MYOF: variants seen among roughly 807,000 people sequenced by gnomAD.
MYOF encodes fer-1-like 3, myoferlin.
In MYOF, 244 loss-of-function variants were observed where a neutral mutation model predicts 284.2. The ratio of observed to expected loss-of-function variants is 0.86; its 90% CI spans 0.77 to 0.95. The LOEUF (loss-of-function observed/expected upper bound fraction) is 0.95. Among genes scored for constraint, MYOF ranks in the 40% least tolerant of loss-of-function variants. The pLI is 0.00. For synonymous variants in MYOF, 904 were observed against 919.7 expected (o/e 0.98, Z 0.31); for missense variants, 2,496 against 2,560.6 (o/e 0.97, Z 0.54).
At chr10:93,430,124 T>C (rs184965627) in intron 4 of MYOF, among the ~76,000 whole-genome samples, 19,746 of 151,398 alleles carry the variant, frequency 0.13, 1,351 homozygotes, top group Middle Eastern at 0.19. Context: ...TTAGTAGAGA[T>C]GGGGTTTCAC....
At chr10:93,476,277 G>T (rs2057261316) in intron 1 of MYOF, among the ~76,000 whole-genome samples, 1 of 116,586 alleles carries the variant, frequency 8.6e-6, no homozygotes. Context: ...TTTTTAGATG[G>T]AGTCTGGCTT....
chr10:93,456,782 G>C, intron 2 of MYOF, 100 bp downstream of exon 2: 1 of 860,734 alleles, frequency 1.2e-6, no homozygotes, highest in Non-Finnish European at 1.9e-6. Context: ...GAAATGTAGA[G>C]ATTCTCCTTC....
At chr10:93,441,021 A>T (rs2056232338) in intron 3 of MYOF, among the ~76,000 whole-genome samples, 1 of 152,204 alleles carries the variant, frequency 6.6e-6, no homozygotes, top group Non-Finnish European at 1.5e-5. Context: ...AAAAGAAATC[A>T]GAACTGAGAG....
In MYOF at chr10:93,381,374, T is replaced by C; in HGVS notation, c.1721A>G (p.Tyr574Cys). Residue 574 changes from tyrosine (Y) to cysteine (C), a missense_variant, in exon 20 of 54, where the codon TAC becomes TGC. Coordinates refer to ENST00000359263, the MANE Select transcript of MYOF (RefSeq NM_013451.4). Reference protein sequence around the residue: ...VVEKYQRRRKYSLSAVFHSAT... With the variant: ...VVEKYQRRRKCSLSAVFHSAT... Reference sequence around the variant, plus strand: ...TGAATGAAACACGGCAGACAGGCTGTACTTCCGCCTTCGCTGGTATTTCTA... The same window carrying C: ...TGAATGAAACACGGCAGACAGGCTGCACTTCCGCCTTCGCTGGTATTTCTA... The C allele has an allele frequency of 6.2e-7, 1 of 1,614,240 alleles. No individual in the cohort carries two copies. The highest frequency in any genetic ancestry group is 8.5e-7 in the Non-Finnish European group (1 of 1,180,030).
At chr10:93,362,195 AC>A (rs1845106864) in intron 27 of MYOF, among the ~76,000 whole-genome samples, 1 of 151,104 alleles carries the variant, frequency 6.6e-6, no homozygotes, top group Admixed American at 6.6e-5. Context: ...TGATCTGCCC[AC>A]CTCGGCCTCC....
At chr10:93,419,818 T>C (rs1848281164) in intron 5 of MYOF, among the ~76,000 whole-genome samples, 1 of 152,160 alleles carries the variant, frequency 6.6e-6, no homozygotes, top group Non-Finnish European at 1.5e-5. Flanking sequence ...TGTCAATAAA[T>C]ATTTTCTGAA....
At chr10:93,482,085 A>G (rs1564750738) in intron 1 of MYOF, 22 bp downstream of exon 1, 1 of 1,605,446 alleles carries the variant, frequency 6.2e-7, no homozygotes, top group Non-Finnish European at 8.5e-7. Context: ...GACTTCAGAA[A>G]AAGAAGAAAA....
At chr10:93,324,675 T>G (rs1370108688) in intron 46 of MYOF, 1 of 152,132 alleles carries the variant, frequency 6.6e-6, no homozygotes, top group African/African-American at 2.4e-5. Flanking sequence ...AAGAAGGAAG[T>G]GACAAAACAA....
intron 29 of MYOF, among the ~76,000 whole-genome samples, chr10:93,358,491 C>T (rs779098919): frequency 2.3e-4 from 35 of 152,274 alleles, no homozygotes; most frequent in Non-Finnish European, 3.8e-4. Flanking sequence ...TATAAAGATA[C>T]ATGCATGCAT....
At chr10:93,338,509 T>C in intron 39 of MYOF, 3 of 456,888 alleles carry the variant, frequency 6.6e-6, no homozygotes, top group South Asian at 4.6e-5. Context: ...AGCATTCACA[T>C]GCTGCCTTCA....
At position 93,419,223 on chromosome 10, in the gene MYOF, C is replaced by T. The variant is rs151151233; in HGVS notation, c.433+6848G>A. ...TATCGCCCAGGCTAGAGTGCCATGGCGCAATCTCGGCTCACTGCAACCTCC... is the reference window on the plus strand; with the variant it reads ...TATCGCCCAGGCTAGAGTGCCATGGTGCAATCTCGGCTCACTGCAACCTCC... On this transcript the variant is annotated intron_variant, in intron 5 of 53. Transcript: ENST00000359263. 8.5e-3 allele frequency among the ~76,000 whole-genome samples: 1,294 copies of T among 152,014 alleles called. 14 individuals carry two copies. The highest frequency in any genetic ancestry group is 0.03 in the African/African-American group (1,229 of 41,448).
chr10:93,350,053 T>C (rs1844434092), intron 35 of MYOF, 84 bp from the exon 36 acceptor site: 2 of 1,321,070 alleles, frequency 1.5e-6, no homozygotes, highest in East Asian at 2.5e-5. Context: ...TCTTAATTAC[T>C]GGCAAAGTCT....
intron 5 of MYOF, among the ~76,000 whole-genome samples, chr10:93,422,833 C>G (rs928115110): frequency 6.6e-6 from 1 of 152,030 alleles, no homozygotes; most frequent in Non-Finnish European, 1.5e-5. Flanking sequence ...AAGCAATGTT[C>G]TTACTTTATA....
intron 49 of MYOF, 97 bp from the exon 50 acceptor site, chr10:93,316,910 C>G (rs904624854): frequency 3.3e-6 from 3 of 916,120 alleles, no homozygotes; most frequent in Admixed American, 4.1e-5. Flanking sequence ...CTCCTTTGCA[C>G]CCCCACCCTG....
intron 27 of MYOF, 38 bp downstream of exon 27, chr10:93,363,923 T>C (rs764303034): frequency 6.3e-7 from 1 of 1,587,112 alleles, no homozygotes; most frequent in South Asian, 1.1e-5. Context: ...CGATCAGAGG[T>C]GACAGGTGAG....
chr10:93,386,499 C>T (rs909071181), intron 19 of MYOF, among the ~76,000 whole-genome samples: 1 of 152,206 alleles, frequency 6.6e-6, no homozygotes. Flanking sequence ...TACACGGATG[C>T]CCCGTGGCTT....
chr10:93,395,541 A>C (rs188237308), intron 16 of MYOF, among the ~76,000 whole-genome samples: 1 of 152,364 alleles, frequency 6.6e-6, no homozygotes, highest in East Asian at 1.9e-4. Context: ...TTTCTGGCAT[A>C]TGCACAAAAC....
chr10:93,388,056 C>T lies in MYOF; in HGVS notation c.1582-143G>A, dbSNP rs550579818. The T allele has an allele frequency of 2.0e-5, 13 of 664,086 alleles. No individual in the cohort carries two copies. The African/African-American group carries it at 2.3e-4, about 12-fold the overall frequency. The allele number at this position is 664,086 out of a possible 1,614,324, so 41.1% of individuals were successfully genotyped here. On this transcript the variant is annotated intron_variant, in intron 18 of 53. Transcript: ENST00000359263. ...GAAATGAATCAGTCGGCAACTCTCC[C>T]AGCTGGATTCAGGTCTCTGGTGTTT...
intron 2 of MYOF, among the ~76,000 whole-genome samples, chr10:93,454,316 GAA>G (rs71752292): frequency 1.7e-4 from 25 of 148,546 alleles, no homozygotes; most frequent in African/African-American, 6.2e-4. Context: ...TGAAAGGAAA[GAA>G]AAAAAAAACA....
Sources: gnomAD v4.1 joint callset for allele counts (sites outside exome capture counted in the v4.1 genomes callset) on GRCh38, gnomAD v4.1.1 for gene constraint, MANE v1.5 for transcripts, NCBI Gene and HGNC (gene_info 2026-07-23, HGNC 2026-07-21) for gene names.